Variants in PCDHGA3 observed in about 807,000 individuals in gnomAD.
PCDHGA3 encodes protocadherin gamma subfamily A, 3.
A neutral mutation model predicts 58.5 loss-of-function variants in PCDHGA3; 40 were observed. That is an observed-to-expected ratio of 0.68 (90% CI 0.53 to 0.89). The LOEUF is 0.89. Ranked by LOEUF, PCDHGA3 falls within the 40% of genes least tolerant of loss-of-function variation. The pLI, the probability that PCDHGA3 is intolerant of heterozygous loss-of-function variation, is 0.00. For missense variants in PCDHGA3, 1,223 were observed against 1,195.9 expected (o/e 1.02, Z -0.33); for synonymous variants, 530 against 525.7 (o/e 1.01, Z -0.11).
At chr5:141,494,972 C>G in intron 2 of PCDHGA3, 107 bp downstream of exon 2, 1 of 1,581,852 alleles carries the variant, frequency 6.3e-7, no homozygotes, top group Non-Finnish European at 8.6e-7. Context: ...TGGCTTCTCC[C>G]TCAGTTTGAG....
intron 1 of PCDHGA3, chr5:141,403,461 A>G (rs2094410364): frequency 6.2e-7 from 1 of 1,614,010 alleles, no homozygotes; most frequent in Non-Finnish European, 8.5e-7. Context: ...CTCCAGAGCT[A>G]CCAGCTCAGC....
intron 1 of PCDHGA3, chr5:141,357,593 T>G: frequency 6.2e-7 from 1 of 1,614,134 alleles, no homozygotes; most frequent in Non-Finnish European, 8.5e-7. Context: ...CAGGATTTAC[T>G]TGAAACAAAA....
At chr5:141,478,812 A>G (rs952753762) in intron 1 of PCDHGA3, 16 of 1,453,436 alleles carry the variant, frequency 1.1e-5, no homozygotes, top group Non-Finnish European at 1.4e-5. Flanking sequence ...TTGCTATCAC[A>G]ACTAACCAAT....
intron 1 of PCDHGA3, chr5:141,364,745 A>G: frequency 6.2e-7 from 1 of 1,613,986 alleles, no homozygotes; most frequent in Non-Finnish European, 8.5e-7. Context: ...TGAAGAGTTA[A>G]AAGTAAAAGT....
At chr5:141,383,700 C>G in intron 1 of PCDHGA3, 1 of 1,613,936 alleles carries the variant, frequency 6.2e-7, no homozygotes, top group South Asian at 1.1e-5. Flanking sequence ...TACATGCTAT[C>G]GACCTGGACG....
intron 1 of PCDHGA3, among the ~76,000 whole-genome samples, chr5:141,461,886 C>T (rs944110458): frequency 3.3e-5 from 5 of 151,972 alleles, no homozygotes; most frequent in South Asian, 2.1e-4. Context: ...TGCAATGGCA[C>T]GATCTCGGCT....
chr5:141,428,646 C>T (rs542682298), intron 1 of PCDHGA3: 7 of 170,630 alleles, frequency 4.1e-5, no homozygotes, highest in South Asian at 3.0e-4. Flanking sequence ...CTCCTACTCA[C>T]GTGAGTTCCA....
chr5:141,383,440 G>A, intron 1 of PCDHGA3: 1 of 1,613,950 alleles, frequency 6.2e-7, no homozygotes, highest in Non-Finnish European at 8.5e-7. Context: ...CTTCTCCCTG[G>A]CTGTGCAAAG....
chr5:141,512,275 A>G lies in PCDHGA3; in HGVS notation c.*1102A>G, dbSNP rs368275103. 1 of 152,730 alleles carries G rather than the reference A, an allele frequency of 6.5e-6. No individual in the cohort carries two copies. The highest frequency in any genetic ancestry group is 2.1e-4 in the South Asian group (1 of 4,824). The allele number at this position is 152,730 out of a possible 1,614,324, so 9.5% of individuals were successfully genotyped here. ...GGGTGCTGGGTACTCCAGAGGTGCC[A>G]CTGGTGGAAGGGTCAGCGGAGCCCC... On this transcript the variant is annotated 3_prime_UTR_variant, in exon 4 of 4. Transcript: ENST00000253812.
chr5:141,371,274 C>T, intron 1 of PCDHGA3: 3 of 1,613,982 alleles, frequency 1.9e-6, no homozygotes, highest in Non-Finnish European at 2.5e-6. Context: ...ACTGTTCAAG[C>T]TGGACAGTAA....
chr5:141,361,122 C>A, intron 1 of PCDHGA3: 1 of 1,613,946 alleles, frequency 6.2e-7, no homozygotes, highest in Non-Finnish European at 8.5e-7. Context: ...ATCTAGCAGC[C>A]CACTGCAGTA....
At chr5:141,403,631 C>T (rs751580878) in intron 1 of PCDHGA3, 8 of 1,613,912 alleles carry the variant, frequency 5.0e-6, no homozygotes, top group South Asian at 2.2e-5. Context: ...CAGCACAGTG[C>T]GCATCCATGT....
chr5:141,406,186 C>T (rs1263856724), intron 1 of PCDHGA3, among the ~76,000 whole-genome samples: 2 of 151,978 alleles, frequency 1.3e-5, no homozygotes, highest in South Asian at 2.1e-4. Context: ...AATCCTCCCA[C>T]CTCAGCCTTC....
chr5:141,496,839 A>G (rs2099771783), intron 2 of PCDHGA3, among the ~76,000 whole-genome samples: 1 of 151,484 alleles, frequency 6.6e-6, no homozygotes. Flanking sequence ...CAGAACTCAT[A>G]GGCTTCCAGA....
At position 141,345,176 on chromosome 5, in the gene PCDHGA3, G is replaced by A. The variant is rs765931981; in HGVS notation, c.1143G>A (p.Gln381=). 5.1e-5 allele frequency: 83 copies of A among 1,613,852 alleles called. No individual in the cohort carries two copies. The highest frequency in any genetic ancestry group is 3.3e-4 in the Middle Eastern group (2 of 6,084). Residue 381 remains glutamine, a synonymous_variant, in exon 1 of 4, where the codon CAG becomes CAA. Transcript: ENST00000253812. ...VHDRDSGQNG[Q]VEVFVLGNLP... is the part of the protein sequence containing the mutation. ...ACCGAGATTCTGGGCAGAATGGGCA[G>A]GTTGAAGTTTTTGTCCTGGGAAATC...
intron 3 of PCDHGA3, among the ~76,000 whole-genome samples, chr5:141,506,444 C>CA (rs1219684339): frequency 0.017 from 1,570 of 94,842 alleles, 20 homozygotes; most frequent in African/African-American, 0.048. Flanking sequence ...CGCTCTGTCT[C>CA]AAAAAAAAAA....
chr5:141,356,203 G>A (rs1454984060), intron 1 of PCDHGA3: 2 of 1,607,564 alleles, frequency 1.2e-6, no homozygotes, highest in Non-Finnish European at 1.7e-6. Flanking sequence ...CAAGGTACTG[G>A]TGACAGTTCT....
At chr5:141,395,542 T>TTGTG (rs55729045) in intron 1 of PCDHGA3, 55 of 172,626 alleles carry the variant, frequency 3.2e-4, no homozygotes, top group East Asian at 1.2e-3. Context: ...TTGCTATTGT[T>TTGTG]TGTGTGTGTG....
At chr5:141,376,247 T>G in intron 1 of PCDHGA3, 1 of 1,614,192 alleles carries the variant, frequency 6.2e-7, no homozygotes, top group Non-Finnish European at 8.5e-7. Flanking sequence ...CTGGCACAAG[T>G]CACGCCTGCT....
Sources: allele counts gnomAD v4.1 joint callset (sites outside exome capture counted in the v4.1 genomes callset), GRCh38; gene constraint gnomAD v4.1.1; transcripts MANE v1.5; gene names NCBI Gene and HGNC (gene_info 2026-07-23, HGNC 2026-07-21).